Variants in WIPF1 observed in about 807,000 individuals in gnomAD.
The protein encoded by WIPF1 is WAS/WASL interacting protein family member 1, also known as WAS/WASL-interacting protein family member 1.
In WIPF1, 13 loss-of-function variants were observed where a neutral mutation model predicts 35.4. The ratio of observed to expected loss-of-function variants is 0.37; its 90% CI spans 0.24 to 0.58. WIPF1 has a LOEUF of 0.58. Among genes scored for constraint, WIPF1 ranks in the 20% least tolerant of loss-of-function variants. The probability of loss-of-function intolerance (pLI) is 0.74; values close to 1 mark genes in which losing one functional copy is unlikely to be tolerated. For missense variants in WIPF1, 591 were observed against 667.0 expected (o/e 0.89, Z 1.25); for synonymous variants, 267 against 266.3 (o/e 1.00, Z -0.02).
At chr2:174,657,540 A>G (rs1261532624) in intron 1 of WIPF1, among the ~76,000 whole-genome samples, 1 of 152,188 alleles carries the variant, frequency 6.6e-6, no homozygotes, top group Non-Finnish European at 1.5e-5. Flanking sequence ...TGTCCTGTCC[A>G]CTAGTGAAAC....
In WIPF1 at chr2:174,581,584, C is replaced by T. The variant is rs1009926803; in HGVS notation, c.52-145G>A. On this transcript the variant is annotated intron_variant, in intron 2 of 7. Transcript: ENST00000679041. ...TAAATTCTCGACAAGTTTTAGACCC[C>T]ATATCTTTCTTTTTAAGATCCAGAC... 29 of 981,806 alleles carry T rather than the reference C, an allele frequency of 3.0e-5. No homozygotes were observed. In the African/African-American group the frequency reaches 4.5e-4, roughly 15 times the overall value. 60.8% of individuals were successfully genotyped at this position (981,806 alleles called of 1,614,324 possible). A position where few individuals can be genotyped will look rare whatever the true frequency, so the allele number is the denominator to read the frequency against.
At chr2:174,679,467 CA>C (rs202032725) in intron 1 of WIPF1, among the ~76,000 whole-genome samples, 4,590 of 107,342 alleles carry the variant, frequency 0.043, 179 homozygotes, top group African/African-American at 0.12. Flanking sequence ...AAATTTGTCT[CA>C]AAAAAAAAAA....
intron 4 of WIPF1, 91 bp downstream of exon 4, chr2:174,575,113 G>A: frequency 5.9e-6 from 8 of 1,350,862 alleles, no homozygotes; most frequent in Non-Finnish European, 8.2e-6. Context: ...ATTTTAATAA[G>A]GGCGAAGAGC....
At chr2:174,613,034 C>T (rs1559161271) in intron 1 of WIPF1, among the ~76,000 whole-genome samples, 1 of 152,240 alleles carries the variant, frequency 6.6e-6, no homozygotes, top group Non-Finnish European at 1.5e-5. Flanking sequence ...AGAAATGTTT[C>T]TATCCCATGC....
chr2:174,655,900 G>A (rs1687630495), intron 1 of WIPF1: 1 of 152,270 alleles, frequency 6.6e-6, no homozygotes, highest in Non-Finnish European at 1.5e-5. Context: ...GAATGACTAT[G>A]TGGTAATCTA....
chr2:174,591,966 C>T (rs1394220208), intron 1 of WIPF1, among the ~76,000 whole-genome samples: 2 of 152,206 alleles, frequency 1.3e-5, no homozygotes, highest in Non-Finnish European at 2.9e-5. Context: ...ACACATTCTC[C>T]TCAATGGCAT....
chr2:174,603,948 T>C (rs1274745717), intron 1 of WIPF1, among the ~76,000 whole-genome samples: 2 of 152,218 alleles, frequency 1.3e-5, no homozygotes, highest in Non-Finnish European at 2.9e-5. Flanking sequence ...TTTATTTACA[T>C]TTTAAAGGAG....
chr2:174,612,682 T>C (rs1476080346), intron 1 of WIPF1, among the ~76,000 whole-genome samples: 1 of 152,198 alleles, frequency 6.6e-6, no homozygotes, highest in African/African-American at 2.4e-5. Flanking sequence ...CATGTGCTAT[T>C]ATGACGTTTC....
chr2:174,661,849 G>A (rs930890672), intron 1 of WIPF1, among the ~76,000 whole-genome samples: 5 of 152,166 alleles, frequency 3.3e-5, no homozygotes, highest in Non-Finnish European at 7.4e-5. Context: ...CAACTCCATG[G>A]GTCACTGGGT....
chr2:174,565,700 G>C (rs1684638122), intron 7 of WIPF1, among the ~76,000 whole-genome samples: 1 of 152,168 alleles, frequency 6.6e-6, no homozygotes, highest in South Asian at 2.1e-4. Flanking sequence ...GTACATGTAA[G>C]GTGCTCTGTT....
chr2:174,639,761 G>A (rs1687258975), intron 1 of WIPF1, among the ~76,000 whole-genome samples: 1 of 151,986 alleles, frequency 6.6e-6, no homozygotes, highest in African/African-American at 2.4e-5. Context: ...ATGCGTTTGA[G>A]GTCTTATTTT....
chr2:174,574,971 C>A (rs1684997767), intron 4 of WIPF1: 3 of 739,630 alleles, frequency 4.1e-6, no homozygotes, highest in Non-Finnish European at 5.0e-6. Flanking sequence ...AAAAAATGTA[C>A]AGGTTACCCC....
At chr2:174,611,295 A>G (rs955844999) in intron 1 of WIPF1, among the ~76,000 whole-genome samples, 2 of 152,220 alleles carry the variant, frequency 1.3e-5, no homozygotes, top group Non-Finnish European at 2.9e-5. Context: ...CAGGCAAACT[A>G]GGATGCAAAT....
intron 1 of WIPF1, chr2:174,587,371 A>G (rs530922480): frequency 6.6e-6 from 1 of 152,322 alleles, no homozygotes; most frequent in South Asian, 2.1e-4. Flanking sequence ...AGAATTTAAA[A>G]TATTCATTTA....
chr2:174,595,109 A>AAAAAATATATAT (rs1553529785), intron 1 of WIPF1, among the ~76,000 whole-genome samples: 9 of 57,738 alleles, frequency 1.6e-4, no homozygotes, highest in Non-Finnish European at 2.5e-4. Context: ...AAAAAAAAAA[A>AAAAAATATATAT]ATATATATAT....
intron 1 of WIPF1, among the ~76,000 whole-genome samples, chr2:174,660,912 G>A (rs938617781): frequency 6.6e-6 from 1 of 152,208 alleles, no homozygotes; most frequent in African/African-American, 2.4e-5. Flanking sequence ...TTACGATCAC[G>A]CAACAACCAC....
rs189098212 is a variant in WIPF1 at position 174,604,671 on chromosome 2, G to C, written c.-38-19060C>G. ...GGGATAGATTATGGGCAATTGCATG[G>C]AGATAGTCCGAAGAGCTGGCCTAAC... is the stretch of plus-strand genomic sequence containing the variant. On this transcript the variant is annotated intron_variant, in intron 1 of 8. Transcript: ENST00000272746. 3.7e-3 allele frequency among the ~76,000 whole-genome samples: 560 copies of C among 152,346 alleles called. 3 individuals carry two copies. Among genetic ancestry groups the C allele is most frequent in the Non-Finnish European group, 6.2e-3 (425 of 68,038 alleles).
chr2:174,610,334 C>T (rs900620045), intron 1 of WIPF1, among the ~76,000 whole-genome samples: 2 of 152,174 alleles, frequency 1.3e-5, no homozygotes, highest in East Asian at 1.9e-4. Flanking sequence ...CCCCACAACA[C>T]GGAAGCTGCT....
chr2:174,601,524 A>G (rs1686009046), upstream of WIPF1, among the ~76,000 whole-genome samples: 1 of 152,256 alleles, frequency 6.6e-6, no homozygotes, highest in Admixed American at 6.5e-5. Context: ...AAAATAAGGC[A>G]AGAAAAGCTG....
Sources: allele counts gnomAD v4.1 joint callset (sites outside exome capture counted in the v4.1 genomes callset), GRCh38; gene constraint gnomAD v4.1.1; transcripts MANE v1.5; gene names NCBI Gene and HGNC (gene_info 2026-07-23, HGNC 2026-07-21).